Variants in CR1 observed in about 807,000 individuals in gnomAD.
The protein encoded by CR1 is complement C3b/C4b receptor 1 (Knops blood group).
In CR1, 116 loss-of-function variants were observed where a neutral mutation model predicts 187.3. The observed-to-expected ratio is 0.62, with a 90% CI of 0.53 to 0.72. The LOEUF (loss-of-function observed/expected upper bound fraction) is 0.72, where lower values mean the gene tolerates loss of function less well. CR1 is among the 30% of genes least tolerant of loss of function. The probability of loss-of-function intolerance (pLI) is 0.00; values close to 1 mark genes in which losing one functional copy is unlikely to be tolerated. For synonymous variants in CR1, 576 were observed against 747.1 expected, an observed-to-expected ratio of 0.77 and a Z score of 3.73; for missense variants, 1,731 against 2,110.7, an observed-to-expected ratio of 0.82 and a Z score of 3.52.
rs916014313 is a variant in CR1 at position 207,623,005 on chromosome 1, G to T, written c.7289G>T (p.Gly2430Val). Reference sequence around the variant, plus strand: ...TTTTACTGCCTAGGCACTTTATCTGGTACGATCTTCTTTATTTTACTCATC... The same window carrying T: ...TTTTACTGCCTAGGCACTTTATCTGTTACGATCTTCTTTATTTTACTCATC... ...HDALIVGTLS[G>V]TIFFILLIIF... Residue 2430 changes from glycine (G) to valine (V), a missense_variant, in exon 45 of 47, where the codon GGT becomes GTT. Gly to Val is a moderately radical substitution (Grantham distance 109). Around this residue, in one of 5 missense-constraint regions of CR1, gnomAD observed 1,312 missense variants for 1,379.6 expected, o/e 0.95. Coordinates refer to ENST00000367049, the MANE Select transcript of CR1 (RefSeq NM_000651.6). The T allele has an allele frequency of 1.3e-6, 2 of 1,574,092 alleles. No individual in the cohort carries two copies. The highest frequency in any genetic ancestry group is 2.7e-5 in the African/African-American group (2 of 74,352).
intron 31 of CR1, among the ~76,000 whole-genome samples, chr1:207,581,306 A>G (rs1199057217): frequency 1.3e-5 from 2 of 150,150 alleles, no homozygotes; most frequent in Non-Finnish European, 3.0e-5. Context: ...ACATATGGAC[A>G]CGTATATGTA....
intron 34 of CR1, 76 bp downstream of exon 34, chr1:207,587,641 G>A: frequency 7.1e-7 from 1 of 1,407,062 alleles, no homozygotes; most frequent in Non-Finnish European, 9.6e-7. Context: ...GCTCACGCCT[G>A]TAATCCCATC....
chr1:207,634,163 G>T (rs1662738321), intron 46 of CR1, among the ~76,000 whole-genome samples: 1 of 152,096 alleles, frequency 6.6e-6, no homozygotes, highest in Non-Finnish European at 1.5e-5. Context: ...AAGTCACAGG[G>T]GATGCGATGG....
At chr1:207,595,783 A>G (rs1474056957) in intron 35 of CR1, among the ~76,000 whole-genome samples, 2 of 151,576 alleles carry the variant, frequency 1.3e-5, no homozygotes, top group Non-Finnish European at 2.9e-5. Context: ...ATGAGGCACA[A>G]AACTAGTTAA....
intron 45 of CR1, among the ~76,000 whole-genome samples, chr1:207,629,127 A>T (rs113895824): frequency 6.6e-6 from 1 of 152,228 alleles, no homozygotes; most frequent in African/African-American, 2.4e-5. Flanking sequence ...AATACTGGTT[A>T]GACTTCTTCA....
intron 45 of CR1, among the ~76,000 whole-genome samples, chr1:207,623,276 T>A (rs1197955444): frequency 6.1e-5 from 1 of 16,510 alleles, no homozygotes; most frequent in Non-Finnish European, 9.7e-5. Context: ...AAAATAATAA[T>A]AATAACAAAA....
At position 207,584,635 on chromosome 1, in the gene CR1, T is replaced by C. The variant is rs1263657116; in HGVS notation, c.5303-14T>C. ...AATTTTTTATGGAATTGAGAGCTCTTGTTTTCTTTCTAGATATCTTTTGTC... is the reference window on the plus strand; with the variant it reads ...AATTTTTTATGGAATTGAGAGCTCTCGTTTTCTTTCTAGATATCTTTTGTC... On this transcript the variant is annotated splice_polypyrimidine_tract_variant and intron_variant, in intron 32 of 46. Transcript: ENST00000367049. 1 of 1,611,748 alleles carries C rather than the reference T, an allele frequency of 6.2e-7. No individual in the cohort carries two copies.
rs538751020 is a variant in CR1 at position 207,633,936 on chromosome 1, G to A, written c.7457+3315G>A. On this transcript the variant is annotated intron_variant, in intron 46 of 46. Transcript: ENST00000367049. ...AGTCAACGGGGCTTTGTTCTCTGGCGGGCAGAAGTGGGGGTCGCAAGGTGC... is the reference window on the plus strand; with the variant it reads ...AGTCAACGGGGCTTTGTTCTCTGGCAGGCAGAAGTGGGGGTCGCAAGGTGC... 5.3e-5 allele frequency among the ~76,000 whole-genome samples: 8 copies of A among 152,254 alleles called. No homozygotes were observed. The East Asian group carries it at 1.5e-3, about 29-fold the overall frequency.
At chr1:207,613,436 A>G (rs1661998561) in intron 39 of CR1, among the ~76,000 whole-genome samples, 1 of 152,206 alleles carries the variant, frequency 6.6e-6, no homozygotes, top group Non-Finnish European at 1.5e-5. Flanking sequence ...ATGAACAGTG[A>G]GGATCAATCA....
At chr1:207,578,492 A>G (rs1660838617) in intron 29 of CR1, among the ~76,000 whole-genome samples, 1 of 152,252 alleles carries the variant, frequency 6.6e-6, no homozygotes, top group Admixed American at 6.5e-5. Flanking sequence ...AGTATATTGA[A>G]AAATTATATG....
intron 24 of CR1, among the ~76,000 whole-genome samples, chr1:207,566,140 G>A (rs1660488188): frequency 6.7e-6 from 1 of 150,264 alleles, no homozygotes; most frequent in Non-Finnish European, 1.5e-5. Context: ...CTCTGTTCTA[G>A]TGCGATAAAT....
chr1:207,628,026 A>G (rs1662533387), intron 45 of CR1, among the ~76,000 whole-genome samples: 1 of 152,132 alleles, frequency 6.6e-6, no homozygotes, highest in South Asian at 2.1e-4. Context: ...TAGTAATTAG[A>G]TCCTATAAAT....
At position 207,596,120 on chromosome 1, in the gene CR1, C is replaced by T. The variant is rs569751933; in HGVS notation, c.5810+7346C>T. On this transcript the variant is annotated intron_variant, in intron 35 of 46. Coordinates refer to ENST00000367049, the MANE Select transcript of CR1 (RefSeq NM_000651.6). ...AAATTTTAAAAGATAATCAGAAGGG[C>T]GAAACCACTTGGTCCATAAAACAAA... 7.3e-5 allele frequency among the ~76,000 whole-genome samples: 11 copies of T among 149,876 alleles called. No homozygotes were observed. The East Asian group carries it at 1.2e-3, about 16-fold the overall frequency.
At chr1:207,618,897 T>C (rs1662224932) in intron 42 of CR1, among the ~76,000 whole-genome samples, 1 of 148,520 alleles carries the variant, frequency 6.7e-6, no homozygotes, top group Non-Finnish European at 1.5e-5. Context: ...AAAAATTAGC[T>C]GGGTGGTGGT....
At chr1:207,587,328 G>C in intron 33 of CR1, 58 bp from the exon 34 acceptor site, 3 of 1,430,274 alleles carry the variant, frequency 2.1e-6, no homozygotes, top group Non-Finnish European at 2.9e-6. Flanking sequence ...AAGAGAAAGA[G>C]GAGGTAGGGT....
intron 1 of CR1, among the ~76,000 whole-genome samples, chr1:207,504,864 G>A (rs1312492250): frequency 1.3e-5 from 2 of 152,146 alleles, no homozygotes; most frequent in Non-Finnish European, 2.9e-5. Context: ...TTAGGAAATG[G>A]GCAGAACAGT....
intron 25 of CR1, among the ~76,000 whole-genome samples, chr1:207,568,380 C>T (rs1335490463): frequency 2.0e-5 from 2 of 100,238 alleles, no homozygotes; most frequent in African/African-American, 4.7e-5. Flanking sequence ...TGCCAGGAAA[C>T]GTCTTGAGTT....
chr1:207,602,196 C>T (rs1315005454), intron 35 of CR1, among the ~76,000 whole-genome samples: 1 of 151,948 alleles, frequency 6.6e-6, no homozygotes, highest in African/African-American at 2.4e-5. Context: ...TAAAAAAAGA[C>T]AATGGCCCAG....
chr1:207,515,144 T>TACATATATATACGTGTAC (rs1659754157), intron 4 of CR1, among the ~76,000 whole-genome samples: 1 of 129,592 alleles, frequency 7.7e-6, no homozygotes. Context: ...TATACGTGTA[T>TACATATATATACGTGTAC]ACGTATATAT....
Sources: allele counts gnomAD v4.1 joint callset (sites outside exome capture counted in the v4.1 genomes callset), GRCh38; gene constraint gnomAD v4.1.1; regional missense constraint gnomAD v4.1.1; transcripts MANE v1.5; gene names NCBI Gene and HGNC (gene_info 2026-07-23, HGNC 2026-07-21).